TENM2: variants seen among roughly 807,000 people sequenced by gnomAD.
The protein encoded by TENM2 is teneurin-2.
Under a neutral mutation model 245.2 loss-of-function variants are expected in TENM2, and 52 were observed. The ratio of observed to expected loss-of-function variants is 0.21; its 90% confidence interval spans 0.17 to 0.27. The LOEUF (loss-of-function observed/expected upper bound fraction) is 0.27. Among genes scored for constraint, TENM2 ranks in the 10% least tolerant of loss-of-function variants. The pLI, the probability that TENM2 is intolerant of heterozygous loss-of-function variation, is 1.00. For synonymous variants in TENM2, 1,363 were observed against 1,438.9 expected, an observed-to-expected ratio of 0.95 and a Z score of 1.19; for missense variants, 3,046 against 3,666.8, an observed-to-expected ratio of 0.83 and a Z score of 4.37.
the TENM2 span, among the ~76,000 whole-genome samples, chr5:167,121,295 T>G: frequency 6.6e-6 from 1 of 151,946 alleles, no homozygotes; most frequent in Non-Finnish European, 1.5e-5. Flanking sequence ...CAGGGTGTGG[T>G]GATGGGAAAC....
chr5:167,731,189 C>G (rs1029888592), intron 2 of TENM2, among the ~76,000 whole-genome samples: 1 of 131,866 alleles, frequency 7.6e-6, no homozygotes, highest in African/African-American at 2.9e-5. Context: ...TGAGTTTCTA[C>G]CCTCCAGACA....
In TENM2 at chr5:168,218,067, G is replaced by T. The variant is rs948638435; in HGVS notation, c.4234-58G>T. On this transcript the variant is annotated intron_variant, in intron 22 of 28. Transcript: ENST00000518659. This position sits in a 1 kb window ranked among gnomAD's most constrained non-coding sequence, Gnocchi z 5.2. ...TATATAAAACCAGTAAGTGCCGTAC[G>T]GTTAAACGTTGGACATATTAAAGGC... is the stretch of plus-strand genomic sequence containing the variant. 5 of 1,551,308 alleles carry T rather than the reference G, an allele frequency of 3.2e-6. No homozygotes were observed. Among genetic ancestry groups the T allele is most frequent in the Non-Finnish European group, 4.4e-6 (5 of 1,141,964 alleles).
chr5:167,940,815 A>G (rs1379866138), intron 3 of TENM2, among the ~76,000 whole-genome samples: 2 of 152,196 alleles, frequency 1.3e-5, no homozygotes, highest in African/African-American at 4.8e-5. Context: ...CTCTGCCTGA[A>G]ACATTGTTCC....
At chr5:168,098,265 G>A (rs1045068214) in intron 9 of TENM2, 138 bp downstream of exon 11, 1 of 654,668 alleles carries the variant, frequency 1.5e-6, no homozygotes, top group East Asian at 2.7e-5. Context: ...CATGCCAGAA[G>A]GCATAAGCCT....
exon 12 of TENM2, chr5:168,126,831 G>T (rs370487632): frequency 2.5e-6 from 4 of 1,612,752 alleles, no homozygotes; most frequent in African/African-American, 2.7e-5. Flanking sequence ...CTGGACAGGC[G>T]CAGCGTGTGA....
chr5:167,698,774 C>T (rs536908425), intron 2 of TENM2, among the ~76,000 whole-genome samples: 2 of 149,472 alleles, frequency 1.3e-5, no homozygotes, highest in African/African-American at 5.0e-5. Context: ...AGCTCCTCCT[C>T]CCGGATTCAC....
At chr5:167,740,097 C>T (rs1761075281) in intron 2 of TENM2, among the ~76,000 whole-genome samples, 1 of 152,138 alleles carries the variant, frequency 6.6e-6, no homozygotes, top group African/African-American at 2.4e-5. Flanking sequence ...ACTCAAAAAG[C>T]AGGGTTGTAG....
At chr5:168,047,782 ATG>A (rs1462168783) in intron 6 of TENM2, among the ~76,000 whole-genome samples, 3 of 152,206 alleles carry the variant, frequency 2.0e-5, no homozygotes, top group Non-Finnish European at 4.4e-5. Flanking sequence ...GCTCAGAGCA[ATG>A]TGCATACCTA....
At chr5:168,005,045 G>T in intron 5 of TENM2, among the ~76,000 whole-genome samples, 1 of 152,252 alleles carries the variant, frequency 6.6e-6, no homozygotes, top group East Asian at 1.9e-4. Context: ...CTGGGAGAAA[G>T]TGTCTGTATT....
intron 2 of TENM2, among the ~76,000 whole-genome samples, chr5:167,748,342 G>A (rs1164030190): frequency 6.6e-6 from 1 of 151,424 alleles, no homozygotes; most frequent in African/African-American, 2.4e-5. Flanking sequence ...ATCTGTATAA[G>A]CTACTGGTTT....
intron 3 of TENM2, among the ~76,000 whole-genome samples, chr5:167,917,728 A>G (rs1583361371): frequency 2.0e-5 from 3 of 152,142 alleles, no homozygotes; most frequent in Admixed American, 1.3e-4. Context: ...GTTGGAGTGA[A>G]TCAAGAAGCC....
the TENM2 span, among the ~76,000 whole-genome samples, chr5:167,156,704 G>A: frequency 4.6e-5 from 7 of 152,076 alleles, no homozygotes; most frequent in African/African-American, 1.7e-4. Flanking sequence ...CCCTCACACC[G>A]CACACTGAGA....
intron 17 of TENM2, among the ~76,000 whole-genome samples, chr5:168,202,968 C>T (rs777382307): frequency 1.3e-5 from 2 of 152,332 alleles, no homozygotes; most frequent in South Asian, 4.1e-4. Context: ...CCATTTTACA[C>T]GTGGGGAAAA....
At chr5:166,983,794 G>A in the TENM2 span, among the ~76,000 whole-genome samples, 3 of 152,072 alleles carry the variant, frequency 2.0e-5, no homozygotes, top group Non-Finnish European at 4.4e-5. Flanking sequence ...GGACTTGACA[G>A]CAATTCTTTG....
intron 2 of TENM2, among the ~76,000 whole-genome samples, chr5:167,555,387 A>G (rs577308735): frequency 1.3e-5 from 2 of 152,300 alleles, no homozygotes; most frequent in Admixed American, 6.5e-5. Flanking sequence ...GCTCATTTAT[A>G]TGTTTCAAAA....
chr5:167,084,185 A>G, the TENM2 span, among the ~76,000 whole-genome samples: 14 of 151,202 alleles, frequency 9.3e-5, no homozygotes, highest in Admixed American at 4.0e-4. Context: ...AGTTCCCTGA[A>G]CAGTGATAAG....
At chr5:167,905,660 T>C (rs1776035806) in intron 3 of TENM2, among the ~76,000 whole-genome samples, 2 of 152,226 alleles carry the variant, frequency 1.3e-5, no homozygotes, top group Admixed American at 6.5e-5. Flanking sequence ...TTGGGATATC[T>C]GTGTTTGAGA....
At chr5:167,266,630 AT>A in the TENM2 span, among the ~76,000 whole-genome samples, 1 of 152,268 alleles carries the variant, frequency 6.6e-6, no homozygotes. Context: ...CTTTTATGTA[AT>A]CTTAAGAAAA....
the TENM2 span, among the ~76,000 whole-genome samples, chr5:167,030,671 C>T: frequency 1.3e-5 from 2 of 152,168 alleles, no homozygotes; most frequent in African/African-American, 2.4e-5. Flanking sequence ...CTACTCCTCG[C>T]TTCTGTCCCT....
Sources: gnomAD v4.1 joint callset for allele counts (sites outside exome capture counted in the v4.1 genomes callset) on GRCh38, gnomAD v4.1.1 for gene constraint, Gnocchi (gnomAD v3.1) non-coding constraint, MANE v1.5 for transcripts, NCBI Gene and HGNC (gene_info 2026-07-23, HGNC 2026-07-21) for gene names.